Variants in MYO10 observed in about 807,000 individuals in gnomAD.
MYO10 encodes unconventional myosin-X.
Under a neutral mutation model 257.3 loss-of-function variants are expected in MYO10, and 133 were observed. The ratio of observed to expected loss-of-function variants is 0.52; its 90% CI spans 0.45 to 0.60. The LOEUF (loss-of-function observed/expected upper bound fraction) is 0.60, where lower values mean the gene tolerates loss of function less well. Ranked by LOEUF, MYO10 falls within the 20% of genes least tolerant of loss-of-function variation. The pLI is 0.00. For missense variants in MYO10, 2,399 were observed against 2,635.7 expected (o/e 0.91, Z 1.97); for synonymous variants, 1,104 against 1,028.6 (o/e 1.07, Z -1.40).
chr5:16,866,690 T>A (rs979380499), intron 2 of MYO10, among the ~76,000 whole-genome samples: 85 of 147,910 alleles, frequency 5.7e-4, no homozygotes, highest in African/African-American at 2.1e-3. Flanking sequence ...AATATACATT[T>A]AAAAAAAAAA....
At chr5:16,735,839 C>T (rs1176772239) in intron 19 of MYO10, among the ~76,000 whole-genome samples, 2 of 152,134 alleles carry the variant, frequency 1.3e-5, no homozygotes, top group African/African-American at 2.4e-5. Context: ...GTCTGTGACA[C>T]AGTAACAGAA....
In MYO10 at chr5:16,903,231, C is replaced by G. The variant is rs892437324; in HGVS notation, c.22-25524G>C. On this transcript the variant is annotated intron_variant, in intron 1 of 40. Coordinates refer to ENST00000513610, the MANE Select transcript of MYO10 (RefSeq NM_012334.3). ...ACCAGCCTGACCAACATGGTGAAAC[C>G]CTGTCTCTACTAAAAATACATAAAT... is the stretch of plus-strand genomic sequence containing the variant. Among the ~76,000 whole-genome samples the G allele has an allele frequency of 2.0e-5, 3 of 152,186 alleles. 1 individual carries two copies. In the South Asian group the frequency reaches 6.2e-4, roughly 32 times the overall value.
rs1736042418 is a variant in MYO10, at chr5:16,663,328, G to GTTTTTGTTTTT, written c.*3363_*3364insAAAAACAAAAA. On this transcript the variant is annotated 3_prime_UTR_variant, in exon 41 of 41. Transcript: ENST00000513610. ...AAAAAGTAACATTTTACTTCTAGTT[G>GTTTTTGTTTTT]TTTTTTTTTTTTTTTTTTTTTTTTT... 2 of 76,888 alleles carry GTTTTTGTTTTT rather than the reference G, an allele frequency of 2.6e-5. No individual in the cohort carries two copies. The highest frequency in any genetic ancestry group is 1.3e-4 in the African/African-American group (2 of 15,498). 4.8% of individuals were successfully genotyped at this position (76,888 alleles called of 1,614,324 possible).
intron 21 of MYO10, among the ~76,000 whole-genome samples, chr5:16,706,665 C>A (rs911246199): frequency 1.3e-5 from 2 of 152,168 alleles, no homozygotes; most frequent in African/African-American, 4.8e-5. Context: ...GAACAAAGGT[C>A]TTCTCCACCA....
intron 1 of MYO10, among the ~76,000 whole-genome samples, chr5:16,935,518 A>T (rs907807734): frequency 6.6e-6 from 1 of 151,888 alleles, no homozygotes; most frequent in African/African-American, 2.4e-5. Context: ...CGGGTGTCCC[A>T]GGGCGCCCCG....
chr5:16,792,591 G>A (rs918853895), intron 4 of MYO10, among the ~76,000 whole-genome samples: 1 of 28,562 alleles, frequency 3.5e-5, no homozygotes, highest in African/African-American at 1.0e-4. Context: ...AGCGGGGGGC[G>A]GGGGGCTGCT....
At chr5:16,739,597 C>T (rs1378199360) in intron 19 of MYO10, among the ~76,000 whole-genome samples, 1 of 151,684 alleles carries the variant, frequency 6.6e-6, no homozygotes. Flanking sequence ...TTATTTGCAA[C>T]AACAAATAAA....
intron 36 of MYO10, among the ~76,000 whole-genome samples, chr5:16,673,190 C>G (rs1333788427): frequency 1.5e-5 from 2 of 136,166 alleles, no homozygotes; most frequent in Admixed American, 1.5e-4. Context: ...CTCCAGATGA[C>G]GTTTTTTTTT....
rs112379627 is a variant in MYO10, at chr5:16,875,721, G to A, written c.120+1888C>T. 7.6e-4 allele frequency among the ~76,000 whole-genome samples: 116 copies of A among 152,302 alleles called. 1 individual carries two copies. The highest frequency in any genetic ancestry group is 1.4e-3 in the Non-Finnish European group (97 of 68,024). On this transcript the variant is annotated intron_variant, in intron 2 of 40. Transcript: ENST00000513610. The stretch of plus-strand genomic sequence containing the variant: ...TAAGAATGGTTCCACCAAGTAGACC[G>A]CCCCTGCTAAGAAGTTTTGATAACC...
At chr5:16,795,377 G>A (rs985006637) in intron 3 of MYO10, among the ~76,000 whole-genome samples, 1 of 152,156 alleles carries the variant, frequency 6.6e-6, no homozygotes, top group African/African-American at 2.4e-5. Context: ...GCTGAGGCGG[G>A]CAGATCACCT....
At chr5:16,739,350 GT>G (rs1177540561) in intron 19 of MYO10, among the ~76,000 whole-genome samples, 1 of 151,770 alleles carries the variant, frequency 6.6e-6, no homozygotes, top group Non-Finnish European at 1.5e-5. Flanking sequence ...TTTTTTACTC[GT>G]TTTTCTACTA....
intron 1 of MYO10, among the ~76,000 whole-genome samples, chr5:16,913,813 C>G (rs905868410): frequency 4.6e-5 from 7 of 152,066 alleles, no homozygotes; most frequent in Non-Finnish European, 8.8e-5. Context: ...ACAGGCCAGG[C>G]AAAGACTAGA....
At chr5:16,871,103 A>G (rs1175988374) in intron 2 of MYO10, among the ~76,000 whole-genome samples, 1 of 152,198 alleles carries the variant, frequency 6.6e-6, no homozygotes, top group African/African-American at 2.4e-5. Flanking sequence ...AGTGTTGTGC[A>G]ACCATCACCA....
At chr5:16,921,387 A>T (rs1745976568) in intron 1 of MYO10, among the ~76,000 whole-genome samples, 1 of 152,138 alleles carries the variant, frequency 6.6e-6, no homozygotes. Flanking sequence ...ACGGGGACCA[A>T]TGAAAGCCTT....
chr5:16,690,170 T>G (rs1422265715), intron 27 of MYO10, among the ~76,000 whole-genome samples: 1 of 152,172 alleles, frequency 6.6e-6, no homozygotes, highest in Admixed American at 6.5e-5. Context: ...AACAATACAG[T>G]GTAACTACTA....
At chr5:16,820,315 C>T (rs1742760132) in intron 2 of MYO10, among the ~76,000 whole-genome samples, 2 of 152,208 alleles carry the variant, frequency 1.3e-5, no homozygotes, top group South Asian at 2.1e-4. Context: ...GATGCCAATC[C>T]AGGCACATTT....
chr5:16,699,715 A>C, intron 25 of MYO10, 142 bp from the exon 26 acceptor site: 2 of 897,864 alleles, frequency 2.2e-6, no homozygotes, highest in South Asian at 2.9e-5. Flanking sequence ...CGAACCCAGG[A>C]GGCAGTGACT....
intron 3 of MYO10, among the ~76,000 whole-genome samples, chr5:16,810,023 C>T (rs974037148): frequency 1.3e-5 from 2 of 152,152 alleles, no homozygotes; most frequent in African/African-American, 4.8e-5. Flanking sequence ...GCTTCTCTTC[C>T]ATTCAGCAGG....
intron 2 of MYO10, among the ~76,000 whole-genome samples, chr5:16,821,217 T>C (rs913316504): frequency 2.0e-5 from 3 of 149,010 alleles, no homozygotes; most frequent in Non-Finnish European, 4.5e-5. Context: ...TTGCTGTTCC[T>C]GGTGCATCAA....
Sources: allele counts gnomAD v4.1 joint callset (sites outside exome capture counted in the v4.1 genomes callset), GRCh38; gene constraint gnomAD v4.1.1; transcripts MANE v1.5; gene names NCBI Gene and HGNC (gene_info 2026-07-23, HGNC 2026-07-21).